The following FHIT variants were observed in gnomAD, a reference collection of about 807,000 sequenced individuals.
FHIT encodes the protein fragile histidine triad diadenosine triphosphatase.
A neutral mutation model predicts 17.9 loss-of-function variants in FHIT; 19 were observed. That is an observed-to-expected ratio of 1.06 (90% CI 0.74 to 1.56). The LOEUF (loss-of-function observed/expected upper bound fraction) is 1.56, where lower values mean the gene tolerates loss of function less well. Ranked by LOEUF, FHIT falls within the 40% of genes most tolerant of loss-of-function variation. FHIT has a pLI of 0.00. For missense variants in FHIT, 248 were observed against 189.2 expected (o/e 1.31, Z -1.82); for synonymous variants, 81 against 69.7 (o/e 1.16, Z -0.81).
chr3:60,685,004 T>C (rs2040831720), intron 4 of FHIT, among the ~76,000 whole-genome samples: 1 of 152,290 alleles, frequency 6.6e-6, no homozygotes, highest in African/African-American at 2.4e-5. Flanking sequence ...AGAGGGAAAG[T>C]AGCGTTCTTA....
At chr3:60,752,406 T>C (rs114988117) in intron 4 of FHIT, among the ~76,000 whole-genome samples, 6 of 152,308 alleles carry the variant, frequency 3.9e-5, no homozygotes, top group Non-Finnish European at 4.4e-5. Context: ...AGGGAGCTCA[T>C]GAAACTAAGG....
At chr3:60,313,203 A>C (rs1005755618) in intron 5 of FHIT, among the ~76,000 whole-genome samples, 12 of 152,222 alleles carry the variant, frequency 7.9e-5, no homozygotes, top group Non-Finnish European at 1.8e-4. Flanking sequence ...ATATGATATA[A>C]ATACATATTT....
intron 5 of FHIT, among the ~76,000 whole-genome samples, chr3:60,237,477 G>A (rs114930909): frequency 0.014 from 2,160 of 152,144 alleles, 25 homozygotes; most frequent in Middle Eastern, 0.037. Context: ...CTGAATTCAC[G>A]TTTAATTATC....
intron 5 of FHIT, among the ~76,000 whole-genome samples, chr3:60,167,735 T>TA (rs1204701682): frequency 1.3e-5 from 2 of 152,192 alleles, no homozygotes; most frequent in South Asian, 2.1e-4. Flanking sequence ...ATAACATTTG[T>TA]AAAAAATTAA....
intron 4 of FHIT, among the ~76,000 whole-genome samples, chr3:60,692,958 CCT>C (rs1170872122): frequency 3.3e-5 from 5 of 152,160 alleles, no homozygotes; most frequent in Non-Finnish European, 7.3e-5. Context: ...AAAGGTCTTC[CCT>C]CTGTTTGGCC....
chr3:60,331,351 C>A (rs1709967673), intron 5 of FHIT, among the ~76,000 whole-genome samples: 1 of 152,142 alleles, frequency 6.6e-6, no homozygotes, highest in Admixed American at 6.5e-5. Context: ...TGCCAAGTTT[C>A]ATGTTTCCTC....
chr3:59,941,875 G>A (rs1706537040), intron 7 of FHIT, among the ~76,000 whole-genome samples: 1 of 152,158 alleles, frequency 6.6e-6, no homozygotes, highest in South Asian at 2.1e-4. Context: ...GAAGTGGGTT[G>A]GCTCAACTGG....
At chr3:60,104,348 T>A (rs1267060419) in intron 5 of FHIT, among the ~76,000 whole-genome samples, 1 of 152,184 alleles carries the variant, frequency 6.6e-6, no homozygotes, top group East Asian at 1.9e-4. Context: ...ATGTGTGCAT[T>A]CAGTGCTTTG....
At chr3:60,408,339 C>A (rs1310714834) in intron 5 of FHIT, among the ~76,000 whole-genome samples, 1 of 152,124 alleles carries the variant, frequency 6.6e-6, no homozygotes, top group Non-Finnish European at 1.5e-5. Flanking sequence ...CATTGTCAGA[C>A]CCCTCCTGCA....
intron 5 of FHIT, among the ~76,000 whole-genome samples, chr3:60,527,639 C>A (rs1434420234): frequency 2.6e-5 from 4 of 152,062 alleles, no homozygotes; most frequent in Non-Finnish European, 4.4e-5. Context: ...TGGTCTTATT[C>A]TTAAATGATA....
chr3:59,811,032 T>C (rs1700389579), intron 8 of FHIT, among the ~76,000 whole-genome samples: 1 of 152,250 alleles, frequency 6.6e-6, no homozygotes, highest in Admixed American at 6.5e-5. Flanking sequence ...AGTGGAACTG[T>C]TGTCACAAGA....
rs797033279 is a variant in FHIT at position 60,788,104 on chromosome 3, T to A, written c.-18+33815A>T. The stretch of plus-strand genomic sequence containing the variant: ...GCATCTTTAAATAAAAGTAAACATT[T>A]AAAAAGTTTACATATTAATCAATTA... On this transcript the variant is annotated intron_variant, in intron 4 of 9. Transcript: ENST00000492590. Among the ~76,000 whole-genome samples, 5 of 152,256 alleles carry A rather than the reference T, an allele frequency of 3.3e-5. 1 individual carries two copies. The highest frequency in any genetic ancestry group is 1.2e-4 in the African/African-American group (5 of 41,554).
chr3:59,774,655 CT>C (rs1382051546), intron 8 of FHIT, among the ~76,000 whole-genome samples: 2 of 152,236 alleles, frequency 1.3e-5, no homozygotes, highest in African/African-American at 4.8e-5. Context: ...TTTGCTTTAA[CT>C]TTTTTTCCTG....
At chr3:60,599,261 A>G (rs2038365891) in intron 4 of FHIT, among the ~76,000 whole-genome samples, 2 of 152,278 alleles carry the variant, frequency 1.3e-5, no homozygotes, top group East Asian at 1.9e-4. Context: ...AAACTCATTT[A>G]AAAATATACC....
chr3:60,195,546 G>GATATATATATATATATATTT (rs1223456537), intron 5 of FHIT, among the ~76,000 whole-genome samples: 6 of 18,888 alleles, frequency 3.2e-4, no homozygotes, highest in African/African-American at 2.6e-3. Flanking sequence ...AGGAAAATGT[G>GATATATATATATATATATTT]ATATATATAT....
At chr3:60,249,689 G>C (rs1369450656) in intron 5 of FHIT, among the ~76,000 whole-genome samples, 5 of 137,318 alleles carry the variant, frequency 3.6e-5, no homozygotes, top group African/African-American at 1.2e-4. Flanking sequence ...ATACAGCCAA[G>C]ACACACACAC....
intron 4 of FHIT, among the ~76,000 whole-genome samples, chr3:60,561,497 A>AC (rs1277409727): frequency 6.6e-6 from 1 of 151,964 alleles, no homozygotes; most frequent in East Asian, 1.9e-4. Context: ...GAAAAAAAAA[A>AC]CACCTCAATC....
intron 5 of FHIT, among the ~76,000 whole-genome samples, chr3:60,083,549 A>G (rs1038292816): frequency 5.9e-5 from 9 of 152,260 alleles, no homozygotes; most frequent in Admixed American, 5.9e-4. Context: ...CAACATTGCC[A>G]TATTAATGAT....
At chr3:60,724,669 T>TTTTTTTTTTTTTC in intron 4 of FHIT, among the ~76,000 whole-genome samples, 1 of 150,086 alleles carries the variant, frequency 6.7e-6, no homozygotes, top group African/African-American at 2.5e-5. Context: ...TGTTTTTTTT[T>TTTTTTTTTTTTTC]TTTTTGAGAC....
Sources: allele counts gnomAD v4.1 joint callset (sites outside exome capture counted in the v4.1 genomes callset), GRCh38; gene constraint gnomAD v4.1.1; transcripts MANE v1.5; gene names NCBI Gene and HGNC (gene_info 2026-07-23, HGNC 2026-07-21).